The following HFM1 variants were observed in gnomAD, a reference collection of about 807,000 sequenced individuals.
The protein encoded by HFM1 is probable ATP-dependent DNA helicase HFM1.
HFM1 carries 169 observed loss-of-function variants against 192.1 expected under a neutral mutation model. The observed-to-expected ratio is 0.88, with a 90% CI of 0.78 to 1.00. HFM1 has a LOEUF of 1.00. HFM1 is among the 50% of genes least tolerant of loss of function. The pLI is 0.00. For missense variants in HFM1, 1,661 were observed against 1,668.0 expected, an observed-to-expected ratio of 1.00 and a Z score of 0.07; for synonymous variants, 525 against 537.8, an observed-to-expected ratio of 0.98 and a Z score of 0.33.
intron 30 of HFM1, among the ~76,000 whole-genome samples, chr1:91,285,375 A>G (rs1186556366): frequency 6.6e-6 from 1 of 152,248 alleles, no homozygotes; most frequent in African/African-American, 2.4e-5. Context: ...ATTTGGAAAT[A>G]GCCATTTAGC....
intron 30 of HFM1, among the ~76,000 whole-genome samples, chr1:91,301,068 A>G (rs1357084675): frequency 2.0e-5 from 3 of 152,280 alleles, no homozygotes; most frequent in Non-Finnish European, 4.4e-5. Context: ...CTTTAAGCTG[A>G]TAGGCAACCT....
rs118023221 is a variant in HFM1 at position 91,356,023 on chromosome 1, T to C, written c.1686-2724A>G. On this transcript the variant is annotated intron_variant, in intron 13 of 38. Transcript: ENST00000370425. ...TCTAAATTCAAGACGATTGAAATCA[T>C]ATGTAGTATCATTTCTGACCACAAC... 2.2e-4 allele frequency among the ~76,000 whole-genome samples: 34 copies of C among 152,266 alleles called. No homozygotes were observed. The East Asian group carries it at 6.0e-3, about 27-fold the overall frequency.
chr1:91,369,120 A>G (rs958740413), intron 13 of HFM1, among the ~76,000 whole-genome samples: 1 of 152,188 alleles, frequency 6.6e-6, no homozygotes, highest in Non-Finnish European at 1.5e-5. Context: ...AGACCTACAA[A>G]GAGACTTAGA....
At chr1:91,363,499 G>A (rs563231551) in intron 13 of HFM1, among the ~76,000 whole-genome samples, 1 of 149,442 alleles carries the variant, frequency 6.7e-6, no homozygotes, top group South Asian at 2.2e-4. Context: ...TCTCATGTCA[G>A]TCAAAATGGC....
At chr1:91,300,155 C>G (rs1376507935) in intron 30 of HFM1, among the ~76,000 whole-genome samples, 2 of 152,140 alleles carry the variant, frequency 1.3e-5, no homozygotes. Context: ...ACTATAAACA[C>G]CTCTATGCAA....
intron 34 of HFM1, among the ~76,000 whole-genome samples, chr1:91,269,512 C>T (rs536339659): frequency 3.9e-4 from 59 of 152,198 alleles, no homozygotes; most frequent in African/African-American, 1.3e-3. Context: ...CTGTCCAAAC[C>T]CTTCCTTATT....
chr1:91,310,619 T>C (rs1650306916), intron 30 of HFM1, among the ~76,000 whole-genome samples: 1 of 152,178 alleles, frequency 6.6e-6, no homozygotes, highest in Non-Finnish European at 1.5e-5. Context: ...CCACGTGTTG[T>C]GGAAGGGACT....
At chr1:91,375,791 A>G in intron 11 of HFM1, 64 bp from the exon 12 acceptor site, 1 of 1,355,506 alleles carries the variant, frequency 7.4e-7, no homozygotes, top group Non-Finnish European at 1.1e-6. Context: ...GCTAAAAACA[A>G]CCCAATTACA....
rs747485145 is a variant in HFM1, at chr1:91,315,936, C to T, written c.3019G>A (p.Val1007Met). 2.5e-6 allele frequency: 4 copies of T among 1,593,604 alleles called. No individual in the cohort carries two copies. In the South Asian group the frequency reaches 4.4e-5, roughly 18 times the overall value. Residue 1007 changes from valine to methionine, a missense_variant, in exon 28 of 39, where the codon GTG (valine) becomes ATG (methionine). Transcript: ENST00000370425. ...TCAAAATTTCTTAATATAACAGTCA[C>T]TAATATTTCTGCCGTCGTATCACTA... ...RYSDTTAEILVTVILRNFEQL... is the reference protein window; with the variant it reads ...RYSDTTAEILMTVILRNFEQL...
intron 3 of HFM1, among the ~76,000 whole-genome samples, chr1:91,394,704 ATATAAT>A (rs1261586067): frequency 1.3e-5 from 2 of 152,132 alleles, no homozygotes; most frequent in African/African-American, 4.8e-5. Flanking sequence ...ATAACAAATG[ATATAAT>A]TATACAATTA....
At chr1:91,367,413 A>G (rs1659506006) in intron 13 of HFM1, among the ~76,000 whole-genome samples, 1 of 152,212 alleles carries the variant, frequency 6.6e-6, no homozygotes, top group African/African-American at 2.4e-5. Flanking sequence ...AAACTTCCAG[A>G]GGAACAATCA....
At chr1:91,380,627 G>T (rs1476217776) in intron 7 of HFM1, among the ~76,000 whole-genome samples, 1 of 152,248 alleles carries the variant, frequency 6.6e-6, no homozygotes. Flanking sequence ...GGTGTCTCAA[G>T]CCTGTAATCC....
chr1:91,329,569 T>G (rs1653492691), intron 20 of HFM1: 1 of 1,261,494 alleles, frequency 7.9e-7, no homozygotes, highest in Non-Finnish European at 1.1e-6. Flanking sequence ...TGCCCTCTTG[T>G]ACCCTTAAGA....
intron 30 of HFM1, among the ~76,000 whole-genome samples, chr1:91,311,166 G>T (rs1650381922): frequency 6.6e-6 from 1 of 152,210 alleles, no homozygotes. Flanking sequence ...CTGGAGCAAA[G>T]GTGACTCTTG....
At chr1:91,402,366 A>G (rs191737867) in intron 1 of HFM1, among the ~76,000 whole-genome samples, 2 of 152,194 alleles carry the variant, frequency 1.3e-5, no homozygotes, top group African/African-American at 4.8e-5. Context: ...GGGGTTTTTC[A>G]CTGTTTTCGT....
At position 91,315,964 on chromosome 1, in the gene HFM1, T is replaced by G. The variant is rs140136537; in HGVS notation, c.2991A>C (p.Arg997Ser). The change falls in exon 28 of 39, where the codon AGA becomes AGC. Residue 997 changes from arginine to serine, a missense_variant. Coordinates refer to ENST00000370425, the MANE Select transcript of HFM1 (RefSeq NM_001017975.6). ...ATATTTCTGCCGTCGTATCACTATA[T>G]CTTGTAATCTTTAAAAAAGGACAAG... ...KYELKVEQIT[R>S]YSDTTAEILV... 6.3e-7 allele frequency: 1 copy of G among 1,582,840 alleles called. No homozygotes were observed. The highest frequency in any genetic ancestry group is 1.4e-5 in the African/African-American group (1 of 73,994).
chr1:91,264,361 ATTTTTTTTTTTTTTT>A lies in HFM1; in HGVS notation c.3974+1641_3974+1655del, dbSNP rs71087940. 4.7e-3 allele frequency among the ~76,000 whole-genome samples: 268 copies of A among 57,112 alleles called. 11 individuals are homozygous for A. In the East Asian group the frequency reaches 0.053, roughly 11 times the overall value. 37.5% of individuals were successfully genotyped at this position (57,112 alleles called of 152,430 possible). ...TTCCAAGGGATACCACAAATTTAGT[ATTTTTTTTTTTTTTT>A]TTTTTTTTTTTTTTGAGACGGAGTC... On this transcript the variant is annotated intron_variant, in intron 36 of 38. Coordinates refer to ENST00000370425, the MANE Select transcript of HFM1 (RefSeq NM_001017975.6).
chr1:91,338,034 G>A (rs1005433936), intron 20 of HFM1, among the ~76,000 whole-genome samples: 2 of 152,284 alleles, frequency 1.3e-5, no homozygotes, highest in Middle Eastern at 3.4e-3. Context: ...ACACTGCAGT[G>A]GGCTTCAAAG....
At chr1:91,365,112 A>G (rs1659113250) in intron 13 of HFM1, among the ~76,000 whole-genome samples, 2 of 152,110 alleles carry the variant, frequency 1.3e-5, no homozygotes, top group South Asian at 4.1e-4. Flanking sequence ...AAAATATTGT[A>G]TGTTCTCACT....
Sources: gnomAD v4.1 joint callset for allele counts (sites outside exome capture counted in the v4.1 genomes callset) on GRCh38, gnomAD v4.1.1 for gene constraint, MANE v1.5 for transcripts, NCBI Gene and HGNC (gene_info 2026-07-23, HGNC 2026-07-21) for gene names.